The following MED13 variants were observed in gnomAD, a reference collection of about 807,000 sequenced individuals.
The protein encoded by MED13 is mediator complex subunit 13, also known as mediator of RNA polymerase II transcription subunit 13.
In MED13, 23 loss-of-function variants were observed where a neutral mutation model predicts 225.2. The observed-to-expected ratio is 0.10, with a 90% CI of 0.07 to 0.14. The LOEUF is 0.14. Among genes scored for constraint, MED13 ranks in the 10% least tolerant of loss-of-function variants. MED13 has a pLI of 1.00. For synonymous variants in MED13, 942 were observed against 889.2 expected (o/e 1.06, Z -1.06); for missense variants, 2,197 against 2,594.5 (o/e 0.85, Z 3.33).
intron 1 of MED13, 123 bp from the exon 2 acceptor site, chr17:62,063,424 C>T (rs2081057462): frequency 4.8e-6 from 3 of 619,600 alleles, no homozygotes; most frequent in African/African-American, 1.8e-5. Flanking sequence ...GAGATATTGA[C>T]TGCAAATTAG....
rs780375465 is a variant in MED13 at position 61,982,542 on chromosome 17, T to C, written c.3461A>G (p.Asp1154Gly). Reference protein sequence around the residue: ...DELDIIGRNTDCGKEAEKRFE... With the variant: ...DELDIIGRNTGCGKEAEKRFE... ...ACGTTTTTCTGCTTCTTTGCCACAG[T>C]CTGTATTGCGTCCTATGATATCTAG... Residue 1154 changes from aspartate (D) to glycine (G), a missense_variant, in exon 16 of 30, where the codon GAC (aspartate) becomes GGC (glycine). This residue lies in a region of MED13 where 203 missense variants were observed against 209.7 expected (regional missense o/e 0.97). Coordinates refer to ENST00000397786, the MANE Select transcript of MED13 (RefSeq NM_005121.3). 1.2e-6 allele frequency: 2 copies of C among 1,614,180 alleles called. No individual in the cohort carries two copies. Among genetic ancestry groups the C allele is most frequent in the South Asian group, 2.2e-5 (2 of 91,076 alleles).
chr17:62,056,254 G>A (rs2080995642), intron 2 of MED13, among the ~76,000 whole-genome samples: 1 of 131,772 alleles, frequency 7.6e-6, no homozygotes, highest in African/African-American at 2.6e-5. Flanking sequence ...CTTTCTACAC[G>A]TTGTATTCAG....
chr17:62,017,391 C>G (rs935640948), intron 8 of MED13, among the ~76,000 whole-genome samples: 1 of 151,766 alleles, frequency 6.6e-6, no homozygotes, highest in Non-Finnish European at 1.5e-5. Context: ...CACCAAACTT[C>G]TAAATCAAGA....
chr17:61,982,217 G>T lies in MED13; in HGVS notation c.3786C>A (p.His1262Gln), dbSNP rs771104024. 3.1e-6 allele frequency: 5 copies of T among 1,613,158 alleles called. No individual in the cohort carries two copies. The highest frequency in any genetic ancestry group is 4.2e-6 in the Non-Finnish European group (5 of 1,179,528). ...CTTTACCGTTTCTTTTGGACCAGGG[G>T]TGTAAGCATGAACTTTTCACAAGTG... ...DEALVKSSCL[H>Q]PWSKRNDVSM... The change falls in exon 16 of 30, where the codon CAC becomes CAA. Residue 1262 changes from histidine to glutamine, a missense_variant. Physicochemically the swap from His to Gln is conservative, Grantham distance 24 (BLOSUM62 0). Around this residue, in one of 12 missense-constraint regions of MED13, gnomAD observed 203 missense variants for 209.7 expected, o/e 0.97. Transcript: ENST00000397786.
At chr17:62,050,023 ATTG>A (rs2080942055) in intron 3 of MED13, among the ~76,000 whole-genome samples, 1 of 151,930 alleles carries the variant, frequency 6.6e-6, no homozygotes, top group Non-Finnish European at 1.5e-5. Context: ...ATAAACAAAT[ATTG>A]TTTTTACCAA....
intron 9 of MED13, among the ~76,000 whole-genome samples, chr17:61,996,404 A>C (rs572488935): frequency 6.6e-6 from 1 of 152,282 alleles, no homozygotes; most frequent in Non-Finnish European, 1.5e-5. Flanking sequence ...AGAATCTTGC[A>C]ATGACTATTT....
At chr17:62,052,435 G>T in intron 3 of MED13, 102 bp downstream of exon 3, 2 of 846,754 alleles carry the variant, frequency 2.4e-6, no homozygotes, top group Non-Finnish European at 3.4e-6. Context: ...ACAACCTCTG[G>T]AATATGTCTG....
Position 62,018,459 on chromosome 17 carries a change from C to T in MED13, c.1284-7226G>A, listed in dbSNP as rs577867971. 5.9e-5 allele frequency among the ~76,000 whole-genome samples: 9 copies of T among 152,288 alleles called. No homozygotes were observed. The East Asian group carries it at 1.7e-3, about 29-fold the overall frequency. On this transcript the variant is annotated intron_variant, in intron 8 of 29. Transcript: ENST00000397786. Reference sequence around the variant, plus strand: ...GTGGCTCATGCCTGTAACCCCAACACTTTGGGAGGCTGAGGTGGGTGGATT... The same window carrying T: ...GTGGCTCATGCCTGTAACCCCAACATTTTGGGAGGCTGAGGTGGGTGGATT...
At chr17:62,005,870 G>A (rs1603400845) in intron 9 of MED13, 3 of 152,178 alleles carry the variant, frequency 2.0e-5, no homozygotes, top group African/African-American at 7.2e-5. Context: ...CAGGCAACCT[G>A]GAGGTCACCA....
At chr17:61,985,627 C>T (rs2080240965) in intron 12 of MED13, among the ~76,000 whole-genome samples, 1 of 152,104 alleles carries the variant, frequency 6.6e-6, no homozygotes, top group Admixed American at 6.6e-5. Context: ...GCCAGGACTG[C>T]ACCACTGCAC....
intron 3 of MED13, among the ~76,000 whole-genome samples, chr17:62,048,398 CAAA>C (rs555420453): frequency 3.3e-3 from 225 of 68,086 alleles, no homozygotes; most frequent in African/African-American, 0.01. Context: ...GAGACTGTTT[CAAA>C]AAAAAAAAAA....
chr17:61,996,129 A>G (rs1331332736), intron 9 of MED13, among the ~76,000 whole-genome samples: 1 of 152,210 alleles, frequency 6.6e-6, no homozygotes, highest in African/African-American at 2.4e-5. Context: ...CTGACAGACC[A>G]CAGAAAGCTG....
chr17:62,030,250 C>T, intron 6 of MED13: 1 of 373,694 alleles, frequency 2.7e-6, no homozygotes. Context: ...TTCTCAGGAG[C>T]CAGGCAGGGC....
At chr17:61,977,030 G>T (rs1245282118) in intron 16 of MED13, among the ~76,000 whole-genome samples, 1 of 152,212 alleles carries the variant, frequency 6.6e-6, no homozygotes, top group African/African-American at 2.4e-5. Context: ...CTTTCAAGAT[G>T]TTAAAACTAA....
intron 9 of MED13, among the ~76,000 whole-genome samples, chr17:61,999,726 A>G (rs16945766): frequency 0.039 from 5,949 of 152,222 alleles, 378 homozygotes; most frequent in African/African-American, 0.13. Flanking sequence ...ATGCTATACT[A>G]GTTAGGTAGC....
chr17:62,063,026 TGTTGCTA>T lies in MED13; in HGVS notation c.301+34_301+40del, dbSNP rs1568010640. The T allele has an allele frequency of 2.8e-6, 4 of 1,435,254 alleles. No homozygotes were observed. In the Admixed American group the frequency reaches 5.2e-5, roughly 18 times the overall value. 88.9% of individuals were successfully genotyped at this position (1,435,254 alleles called of 1,614,324 possible). On this transcript the variant is annotated intron_variant, in intron 2 of 29. Coordinates refer to ENST00000397786, the MANE Select transcript of MED13 (RefSeq NM_005121.3). Reference sequence around the variant, plus strand: ...ATGACATTCTGGGAGAAGTATACAATGTTGCTATATCATTAGTTAGAAATGGAAAGTT... The same window carrying T: ...ATGACATTCTGGGAGAAGTATACAATTATCATTAGTTAGAAATGGAAAGTT...
At chr17:61,962,471 T>A (rs1333854018) in intron 21 of MED13, among the ~76,000 whole-genome samples, 1 of 152,162 alleles carries the variant, frequency 6.6e-6, no homozygotes, top group African/African-American at 2.4e-5. Flanking sequence ...ATTTTTCTAT[T>A]TAGGCTCATG....
In MED13 at chr17:61,965,297, G is replaced by T; in HGVS notation, c.4553C>A (p.Ser1518Ter). The change falls in exon 20 of 30, where the codon TCA (serine) becomes TAA (stop). Residue 1518 changes from serine (S) to a stop codon, truncating the protein, a stop_gained. Transcript: ENST00000397786. LOFTEE classifies it high-confidence loss of function. ...AACTGAAGTAGATATGGCAACACCT[G>T]AAGTCACTGTCATAGTGCTGCTCGC... ...SAASSTMTVTSGVAISTSVAT... is the reference protein window; with the variant it reads ...SAASSTMTVT 6.2e-7 allele frequency: 1 copy of T among 1,614,258 alleles called. No individual in the cohort carries two copies. Among genetic ancestry groups the T allele is most frequent in the African/African-American group, 1.3e-5 (1 of 75,082 alleles).
intron 2 of MED13, among the ~76,000 whole-genome samples, chr17:62,059,154 C>A (rs1200606112): frequency 1.3e-5 from 2 of 151,852 alleles, no homozygotes; most frequent in Non-Finnish European, 2.9e-5. Flanking sequence ...AAAAGAAAAA[C>A]ATATTAGGCA....
Sources: allele counts gnomAD v4.1 joint callset (sites outside exome capture counted in the v4.1 genomes callset), GRCh38; gene constraint gnomAD v4.1.1; regional missense constraint gnomAD v4.1.1; transcripts MANE v1.5; gene names NCBI Gene and HGNC (gene_info 2026-07-23, HGNC 2026-07-21).